The following NDST4 variants were observed in gnomAD, a reference collection of about 807,000 sequenced individuals.
NDST4 encodes N-deacetylase and N-sulfotransferase 4, also known as N-heparan sulfate sulfotransferase 4.
In NDST4, 63 loss-of-function variants were observed where a neutral mutation model predicts 100.8. The ratio of observed to expected loss-of-function variants is 0.62; its 90% CI spans 0.51 to 0.77. NDST4 has a LOEUF of 0.77. Among genes scored for constraint, NDST4 ranks in the 30% least tolerant of loss-of-function variants. The pLI is 0.00. For synonymous variants in NDST4, 377 were observed against 361.8 expected (o/e 1.04, Z -0.48); for missense variants, 943 against 1,018.4 (o/e 0.93, Z 1.01).
At chr4:115,052,633 C>G (rs898457058) in intron 2 of NDST4, among the ~76,000 whole-genome samples, 1 of 152,136 alleles carries the variant, frequency 6.6e-6, no homozygotes, top group Non-Finnish European at 1.5e-5. Flanking sequence ...ACTTTTGCTC[C>G]TTATTTGCCT....
At chr4:115,060,867 G>A (rs1728804553) in intron 2 of NDST4, among the ~76,000 whole-genome samples, 1 of 151,760 alleles carries the variant, frequency 6.6e-6, no homozygotes, top group Non-Finnish European at 1.5e-5. Flanking sequence ...TTACAGAAAG[G>A]AAATGAGCTA....
At chr4:114,854,277 T>G (rs1723741989) in intron 7 of NDST4, among the ~76,000 whole-genome samples, 1 of 152,248 alleles carries the variant, frequency 6.6e-6, no homozygotes, top group Non-Finnish European at 1.5e-5. Context: ...ATCCTCAGGT[T>G]TCATCCATGG....
At chr4:114,851,296 G>T (rs531287830) in intron 8 of NDST4, among the ~76,000 whole-genome samples, 2 of 152,206 alleles carry the variant, frequency 1.3e-5, no homozygotes, top group East Asian at 3.9e-4. Flanking sequence ...TGGATTTTAA[G>T]AATTACTACA....
At chr4:115,086,940 C>T (rs952198295) in intron 1 of NDST4, among the ~76,000 whole-genome samples, 5 of 151,916 alleles carry the variant, frequency 3.3e-5, no homozygotes, top group African/African-American at 9.7e-5. Context: ...AAATGCTATC[C>T]GTGGCCAAGT....
At chr4:114,934,192 T>C (rs1466692087) in intron 6 of NDST4, among the ~76,000 whole-genome samples, 1 of 152,172 alleles carries the variant, frequency 6.6e-6, no homozygotes, top group African/African-American at 2.4e-5. Flanking sequence ...GGAAATCTTG[T>C]CATTTGTGAC....
chr4:115,003,149 T>C (rs1727334728), intron 2 of NDST4, among the ~76,000 whole-genome samples: 1 of 152,048 alleles, frequency 6.6e-6, no homozygotes. Context: ...AAAACCTAGA[T>C]GACAGGTTGA....
intron 1 of NDST4, among the ~76,000 whole-genome samples, chr4:115,107,521 A>G (rs1183873610): frequency 6.6e-6 from 1 of 151,754 alleles, no homozygotes; most frequent in Admixed American, 6.6e-5. Flanking sequence ...TCAATTTGAC[A>G]TCTATGTTTT....
At chr4:115,021,265 ATATTCCACATGTG>A (rs1193095381) in intron 2 of NDST4, among the ~76,000 whole-genome samples, 1 of 151,414 alleles carries the variant, frequency 6.6e-6, no homozygotes, top group Admixed American at 6.6e-5. Flanking sequence ...CCACATATAT[ATATTCCACATGTG>A]TATTCCACAT....
chr4:114,883,296 CATA>C (rs1377493576), intron 6 of NDST4, among the ~76,000 whole-genome samples: 1 of 151,860 alleles, frequency 6.6e-6, no homozygotes, highest in Non-Finnish European at 1.5e-5. Context: ...ACAGAAATGT[CATA>C]AGAAATAACA....
At chr4:114,863,781 C>T (rs561096003) in intron 7 of NDST4, among the ~76,000 whole-genome samples, 1 of 152,170 alleles carries the variant, frequency 6.6e-6, no homozygotes, top group Admixed American at 6.5e-5. Context: ...ATATATGAGG[C>T]AAATTTACTT....
At chr4:114,836,417 C>A (rs147986354) in intron 11 of NDST4, among the ~76,000 whole-genome samples, 1 of 152,150 alleles carries the variant, frequency 6.6e-6, no homozygotes, top group African/African-American at 2.4e-5. Context: ...TTTGAAAATT[C>A]TTTTCTTTAA....
At chr4:114,884,094 A>G (rs554321833) in intron 6 of NDST4, among the ~76,000 whole-genome samples, 1 of 152,280 alleles carries the variant, frequency 6.6e-6, no homozygotes, top group Admixed American at 6.6e-5. Flanking sequence ...TATTAATTTT[A>G]GAAAAGCCCA....
intron 6 of NDST4, among the ~76,000 whole-genome samples, chr4:114,923,185 G>C (rs1485657669): frequency 6.6e-6 from 1 of 152,104 alleles, no homozygotes; most frequent in African/African-American, 2.4e-5. Context: ...TAGCCACTTA[G>C]GGAAATGCTA....
At chr4:114,935,436 A>AT in intron 5 of NDST4, 102 bp from the exon 6 acceptor site, 1 of 1,185,454 alleles carries the variant, frequency 8.4e-7, no homozygotes, top group Non-Finnish European at 1.1e-6. Context: ...TTCCTATTGG[A>AT]TTTTCTTGGT....
At chr4:114,860,548 TG>T (rs1723897146) in intron 7 of NDST4, among the ~76,000 whole-genome samples, 1 of 152,162 alleles carries the variant, frequency 6.6e-6, no homozygotes, top group South Asian at 2.1e-4. Context: ...TACCACCAGC[TG>T]TAAAATGGCT....
chr4:114,961,837 A>G (rs1288251160), intron 4 of NDST4, among the ~76,000 whole-genome samples: 1 of 152,084 alleles, frequency 6.6e-6, no homozygotes, highest in Non-Finnish European at 1.5e-5. Flanking sequence ...AATTAATTAC[A>G]TGAGGCTAGT....
intron 6 of NDST4, among the ~76,000 whole-genome samples, chr4:114,904,226 T>C (rs1724904092): frequency 6.6e-6 from 1 of 151,982 alleles, no homozygotes; most frequent in African/African-American, 2.4e-5. Context: ...TCAAGCAATA[T>C]ACATTTTTTA....
chr4:114,986,832 A>ATATATATATATATTTT lies in NDST4; in HGVS notation c.979-9559_979-9558insAAAATATATATATATA. ...TATATATATATATATATATATATAT[A>ATATATATATATATTTT]TTTTAATATACTATTCCTATAAGCT... On this transcript the variant is annotated intron_variant, in intron 2 of 13. Coordinates refer to ENST00000264363, the MANE Select transcript of NDST4 (RefSeq NM_022569.3). Among the ~76,000 whole-genome samples, 374 of 94,540 alleles carry ATATATATATATATTTT rather than the reference A, an allele frequency of 4.0e-3. 16 individuals carry two copies. The highest frequency in any genetic ancestry group is 6.0e-3 in the South Asian group (14 of 2,336). The allele number at this position is 94,540 out of a possible 152,430, so 62.0% of individuals were successfully genotyped here.
At position 114,961,117 on chromosome 4, in the gene NDST4, T is replaced by C. The variant is rs144861897; in HGVS notation, c.1221+9313A>G. Among the ~76,000 whole-genome samples, 530 of 152,096 alleles carry C rather than the reference T, an allele frequency of 3.5e-3. 3 individuals carry two copies. Among genetic ancestry groups the C allele is most frequent in the African/African-American group, 0.012 (508 of 41,538 alleles). The stretch of plus-strand genomic sequence containing the variant: ...GAAACTCTTAAGCAGCCACTAGGAA[T>C]AAATCACAAGGGAGATTAGGAAATA... On this transcript the variant is annotated intron_variant, in intron 4 of 13. Transcript: ENST00000264363.
Sources: allele counts gnomAD v4.1 joint callset (sites outside exome capture counted in the v4.1 genomes callset), GRCh38; gene constraint gnomAD v4.1.1; transcripts MANE v1.5; gene names NCBI Gene and HGNC (gene_info 2026-07-23, HGNC 2026-07-21).